The following GPC3 variants were observed in gnomAD, a reference collection of about 807,000 sequenced individuals.
GPC3 encodes glypican-3.
In GPC3, 3 loss-of-function variants were observed where a neutral mutation model predicts 34.4. The ratio of observed to expected loss-of-function variants is 0.09; its 90% confidence interval spans 0.04 to 0.23. The LOEUF (loss-of-function observed/expected upper bound fraction) is 0.23. GPC3 is among the 10% of genes least tolerant of loss of function. The pLI is 1.00. For missense variants in GPC3, 351 were observed against 445.6 expected (o/e 0.79, Z 1.91); for synonymous variants, 177 against 174.0 (o/e 1.02, Z -0.13).
chrX:133,962,440 A>G (rs928294023), intron 1 of GPC3, among the ~76,000 whole-genome samples: 16 of 112,150 alleles, frequency 1.4e-4, no homozygotes, highest in African/African-American at 4.5e-4. Flanking sequence ...AAGAGAGTTC[A>G]GTTTTAAAGG....
chrX:133,913,138 G>C (rs1431985288), intron 2 of GPC3, among the ~76,000 whole-genome samples: 1 of 111,668 alleles, frequency 9.0e-6, no homozygotes, highest in African/African-American at 3.3e-5. Flanking sequence ...AGCAGTTGAA[G>C]CTCTGAGAAT....
intron 2 of GPC3, among the ~76,000 whole-genome samples, chrX:133,849,164 G>A (rs1230099210): frequency 2.1e-5 from 2 of 93,923 alleles, no homozygotes; most frequent in Non-Finnish European, 4.1e-5. Context: ...GCGCTACCTC[G>A]GCTTACTGCA....
intron 7 of GPC3, among the ~76,000 whole-genome samples, chrX:133,549,594 C>T (rs2069413660): frequency 9.2e-6 from 1 of 108,365 alleles, no homozygotes; most frequent in Non-Finnish European, 1.9e-5. Flanking sequence ...CATGCTATTC[C>T]CTTAGCCTGG....
In GPC3 at chrX:133,806,494, G is replaced by A. The variant is rs764258527; in HGVS notation, c.338-52318C>T. On this transcript the variant is annotated intron_variant, in intron 2 of 7. Transcript: ENST00000370818. ...GCTGTACAAGCCTGAAGAAAAAACT[G>A]GTCTTGATTTAGCATCCTGATCTAT... Among the ~76,000 whole-genome samples the A allele has an allele frequency of 2.7e-5, 3 of 110,958 alleles. No homozygotes were observed. The Admixed American group carries it at 2.9e-4, about 11-fold the overall frequency.
chrX:133,607,923 C>T (rs1363697390), intron 6 of GPC3, among the ~76,000 whole-genome samples: 1 of 112,512 alleles, frequency 8.9e-6, no homozygotes, highest in Non-Finnish European at 1.9e-5. Context: ...GTTACTGGAC[C>T]CACCCAGGGA....
At chrX:133,877,395 G>C (rs1359508609) in intron 2 of GPC3, among the ~76,000 whole-genome samples, 1 of 111,809 alleles carries the variant, frequency 8.9e-6, no homozygotes, top group Non-Finnish European at 1.9e-5. Context: ...CCTTAGACAA[G>C]TCTTGAATCT....
At chrX:133,834,641 T>C (rs2075791377) in intron 2 of GPC3, among the ~76,000 whole-genome samples, 1 of 112,072 alleles carries the variant, frequency 8.9e-6, no homozygotes, top group South Asian at 3.7e-4. Context: ...TCTATTTCCA[T>C]ATTTTAAATA....
intron 6 of GPC3, among the ~76,000 whole-genome samples, chrX:133,629,457 A>T (rs1352560731): frequency 9.0e-6 from 1 of 111,073 alleles, no homozygotes; most frequent in African/African-American, 3.3e-5. Context: ...GTGCAGTGGC[A>T]CGATCTCAGC....
intron 3 of GPC3, among the ~76,000 whole-genome samples, chrX:133,728,357 A>AGGG (rs1556288930): frequency 4.6e-5 from 5 of 108,941 alleles, no homozygotes; most frequent in Non-Finnish European, 9.5e-5. Context: ...GAGAAGGAGA[A>AGGG]AGGAGGAGGG....
At chrX:133,961,344 G>A (rs1412072405) in intron 1 of GPC3, among the ~76,000 whole-genome samples, 2 of 111,345 alleles carry the variant, frequency 1.8e-5, no homozygotes, top group African/African-American at 3.3e-5. Flanking sequence ...TAAAGCAACC[G>A]TGGAGATAAG....
At chrX:133,884,077 T>G (rs2076052952) in intron 2 of GPC3, among the ~76,000 whole-genome samples, 1 of 111,637 alleles carries the variant, frequency 9.0e-6, no homozygotes, top group Non-Finnish European at 1.9e-5. Flanking sequence ...TGAAGTTTAT[T>G]AAGTCTATAG....
intron 2 of GPC3, among the ~76,000 whole-genome samples, chrX:133,902,385 T>C (rs1215376054): frequency 8.9e-6 from 1 of 112,465 alleles, no homozygotes; most frequent in African/African-American, 3.2e-5. Context: ...TTGAAGATTA[T>C]GGCAAAGAAC....
chrX:133,898,233 G>GT (rs2076127747), intron 2 of GPC3, among the ~76,000 whole-genome samples: 1 of 111,800 alleles, frequency 8.9e-6, no homozygotes, highest in Non-Finnish European at 1.9e-5. Context: ...CAAAGGGAGT[G>GT]TGGTTAAAAC....
At chrX:133,552,993 A>G (rs1361223427) in intron 7 of GPC3, among the ~76,000 whole-genome samples, 1 of 112,042 alleles carries the variant, frequency 8.9e-6, no homozygotes, top group Non-Finnish European at 1.9e-5. Flanking sequence ...GGAAAATTCT[A>G]CTACAAAGAG....
At chrX:133,648,360 A>G (rs980961343) in intron 6 of GPC3, among the ~76,000 whole-genome samples, 2 of 109,863 alleles carry the variant, frequency 1.8e-5, no homozygotes, top group Non-Finnish European at 3.8e-5. Context: ...TCCTCTTCCA[A>G]TATAGCCCAG....
chrX:133,624,976 T>C (rs1375885723), intron 6 of GPC3, among the ~76,000 whole-genome samples: 1 of 111,991 alleles, frequency 8.9e-6, no homozygotes, highest in Non-Finnish European at 1.9e-5. Flanking sequence ...CACGATCAAG[T>C]TGGCTTCATC....
chrX:133,847,730 A>G (rs1487158236), intron 2 of GPC3, among the ~76,000 whole-genome samples: 1 of 112,300 alleles, frequency 8.9e-6, no homozygotes, highest in East Asian at 2.8e-4. Context: ...ACAGAAAATA[A>G]GTGCAATGCA....
Position 133,535,800 on chromosome X carries a change from T to G in GPC3, c.*324A>C. Reference sequence around the variant, plus strand: ...AGAAATCCATGCAAAGAGAGAACGATAGAAAGGGAGGGAGTGAGAGAGAAA... The same window carrying G: ...AGAAATCCATGCAAAGAGAGAACGAGAGAAAGGGAGGGAGTGAGAGAGAAA... On this transcript the variant is annotated 3_prime_UTR_variant, in exon 8 of 8. Coordinates refer to ENST00000370818, the MANE Select transcript of GPC3 (RefSeq NM_004484.4). 1 of 271,077 alleles carries G rather than the reference T, an allele frequency of 3.7e-6. No homozygotes were observed. Among genetic ancestry groups the G allele is most frequent in the Non-Finnish European group, 6.5e-6 (1 of 153,093 alleles). 22.3% of individuals were successfully genotyped at this position (271,077 alleles called of 1,213,427 possible). A position where few individuals can be genotyped will look rare whatever the true frequency, so the allele number is the denominator to read the frequency against.
intron 7 of GPC3, among the ~76,000 whole-genome samples, chrX:133,541,917 G>T (rs1018771035): frequency 9.0e-6 from 1 of 111,651 alleles, no homozygotes; most frequent in Non-Finnish European, 1.9e-5. Context: ...GGCCTCAGTT[G>T]CCCCATCTGG....
Sources: gnomAD v4.1 joint callset for allele counts (sites outside exome capture counted in the v4.1 genomes callset) on GRCh38, gnomAD v4.1.1 for gene constraint, MANE v1.5 for transcripts, NCBI Gene and HGNC (gene_info 2026-07-23, HGNC 2026-07-21) for gene names.